NPY2R: variants seen among roughly 807,000 people sequenced by gnomAD.
The protein encoded by NPY2R is neuropeptide Y receptor Y2.
Under a neutral mutation model 22.3 loss-of-function variants are expected in NPY2R, and 17 were observed. The ratio of observed to expected loss-of-function variants is 0.76; its 90% CI spans 0.52 to 1.14. The LOEUF (loss-of-function observed/expected upper bound fraction) is 1.14. Ranked by LOEUF, NPY2R falls within the 50% of genes most tolerant of loss-of-function variation. The pLI, the probability that NPY2R is intolerant of heterozygous loss-of-function variation, is 0.00. For synonymous variants in NPY2R, 209 were observed against 183.4 expected (o/e 1.14, Z -1.13); for missense variants, 424 against 467.9 (o/e 0.91, Z 0.87).
At chr4:155,182,733 A>G in the NPY2R span, among the ~76,000 whole-genome samples, 71,241 of 151,926 alleles carry the variant, frequency 0.47, 17,434 homozygotes, top group East Asian at 0.69. Flanking sequence ...CCATCTGAAC[A>G]TGGGGCACAG....
chr4:155,198,877 A>G, the NPY2R span, among the ~76,000 whole-genome samples: 1 of 152,026 alleles, frequency 6.6e-6, no homozygotes. Context: ...CTCCTGGGCT[A>G]TACTACCCAG....
At chr4:155,185,763 CAT>C in the NPY2R span, among the ~76,000 whole-genome samples, 1,636 of 120,052 alleles carry the variant, frequency 0.014, 36 homozygotes, top group African/African-American at 0.052. Context: ...AAGAGAGAAT[CAT>C]GTGTGCCTGG....
In NPY2R at chr4:155,214,464, C is replaced by T. The variant is rs776415370; in HGVS notation, c.525C>T (p.Ile175=). ...SFLIIGLAWG[I]SALLASPLAI... The stretch of plus-strand genomic sequence containing the variant: ...TGATTATTGGCTTGGCCTGGGGCAT[C>T]AGTGCCCTGCTGGCAAGTCCCCTGG... The change falls in exon 2 of 2, where the codon ATC becomes ATT. Residue 175 remains isoleucine, a synonymous_variant. Transcript: ENST00000329476. 1 of 1,613,958 alleles carries T rather than the reference C, an allele frequency of 6.2e-7. No homozygotes were observed. Among genetic ancestry groups the T allele is most frequent in the Non-Finnish European group, 8.5e-7 (1 of 1,180,024 alleles).
rs17032643 is a variant in NPY2R, at chr4:155,211,219, C to T, written c.-49+2150C>T. Among the ~76,000 whole-genome samples, 1,281 of 152,182 alleles carry T rather than the reference C, an allele frequency of 8.4e-3. 23 individuals carry two copies. The highest frequency in any genetic ancestry group is 0.039 in the East Asian group (199 of 5,166). Reference sequence around the variant, plus strand: ...GCTATATAGTGTGCTAGGGATTAAACAATGGAGGAAGAAGGTCTAGGTTCT... The same window carrying T: ...GCTATATAGTGTGCTAGGGATTAAATAATGGAGGAAGAAGGTCTAGGTTCT... On this transcript the variant is annotated intron_variant, in intron 1 of 1. Coordinates refer to ENST00000329476, the MANE Select transcript of NPY2R (RefSeq NM_000910.4).
the NPY2R span, among the ~76,000 whole-genome samples, chr4:155,200,131 G>A: frequency 2.6e-5 from 4 of 151,858 alleles, no homozygotes; most frequent in South Asian, 2.1e-4. Flanking sequence ...AAAAATCTAC[G>A]AAGAACTTAA....
chr4:155,181,902 G>A, the NPY2R span, among the ~76,000 whole-genome samples: 5 of 152,158 alleles, frequency 3.3e-5, no homozygotes, highest in Admixed American at 2.6e-4. Flanking sequence ...GAGGAAGGAT[G>A]AACATGAACA....
chr4:155,213,782 CA>C lies in NPY2R; in HGVS notation c.-48-106del, dbSNP rs1482884265. 28 of 669,276 alleles carry C rather than the reference CA, an allele frequency of 4.2e-5. No individual in the cohort carries two copies. The African/African-American group carries it at 4.9e-4, about 12-fold the overall frequency. 41.5% of individuals were successfully genotyped at this position (669,276 alleles called of 1,614,324 possible). A position where few individuals can be genotyped will look rare whatever the true frequency, so the allele number is the denominator to read the frequency against. The stretch of plus-strand genomic sequence containing the variant: ...AGTAGAGGATATTTTGATCCCTAAC[CA>C]AAATTAAACCAGTCCATTTGTGAAA... On this transcript the variant is annotated intron_variant, in intron 1 of 1. Coordinates refer to ENST00000329476, the MANE Select transcript of NPY2R (RefSeq NM_000910.4).
chr4:155,196,889 G>A, the NPY2R span, among the ~76,000 whole-genome samples: 1 of 152,028 alleles, frequency 6.6e-6, no homozygotes, highest in South Asian at 2.1e-4. Flanking sequence ...GGAAAGAATT[G>A]TGTGGATGGG....
At chr4:155,181,932 T>G in the NPY2R span, among the ~76,000 whole-genome samples, 1 of 152,116 alleles carries the variant, frequency 6.6e-6, no homozygotes, top group African/African-American at 2.4e-5. Context: ...TAAAATGGGC[T>G]CTCTGAATTC....
the NPY2R span, among the ~76,000 whole-genome samples, chr4:155,174,477 T>TATATATATATATATATATATATATA: frequency 2.2e-5 from 2 of 89,354 alleles, no homozygotes; most frequent in Admixed American, 1.3e-4. Flanking sequence ...TATATATATA[T>TATATATATATATATATATATATATA]ATATATATTT....
the NPY2R span, among the ~76,000 whole-genome samples, chr4:155,183,103 A>G: frequency 2.0e-5 from 3 of 152,082 alleles, no homozygotes; most frequent in Non-Finnish European, 2.9e-5. Context: ...GAGCTGTTCT[A>G]GTTTTATTAA....
chr4:155,195,021 C>T, the NPY2R span, among the ~76,000 whole-genome samples: 2 of 151,836 alleles, frequency 1.3e-5, no homozygotes, highest in Non-Finnish European at 2.9e-5. Flanking sequence ...GCTTTTTGGT[C>T]ATGTGTATGT....
At chr4:155,186,898 C>A in the NPY2R span, among the ~76,000 whole-genome samples, 1 of 152,098 alleles carries the variant, frequency 6.6e-6, no homozygotes, top group African/African-American at 2.4e-5. Flanking sequence ...TATTTCTTGG[C>A]TATCAGTTAA....
chr4:155,209,542 T>C (rs1729358497), intron 1 of NPY2R, among the ~76,000 whole-genome samples: 1 of 152,064 alleles, frequency 6.6e-6, no homozygotes, highest in South Asian at 2.1e-4. Context: ...TAGGTACACA[T>C]CATTTAAAAT....
chr4:155,195,627 G>GCATATAATATAATGTA, the NPY2R span, among the ~76,000 whole-genome samples: 1 of 151,428 alleles, frequency 6.6e-6, no homozygotes, highest in Non-Finnish European at 1.5e-5. Context: ...CATCTTAGTG[G>GCATATAATATAATGTA]CATATAATAT....
At chr4:155,212,869 C>T (rs1305987728) in intron 1 of NPY2R, among the ~76,000 whole-genome samples, 1 of 152,174 alleles carries the variant, frequency 6.6e-6, no homozygotes, top group African/African-American at 2.4e-5. Flanking sequence ...AAAAAAGCAA[C>T]TGTTCCAACC....
chr4:155,182,116 T>C, the NPY2R span, among the ~76,000 whole-genome samples: 102,430 of 151,840 alleles, frequency 0.67, 35,860 homozygotes, highest in East Asian at 0.93. Context: ...TCCTCAAGAC[T>C]AAAAGAGTTA....
the NPY2R span, among the ~76,000 whole-genome samples, chr4:155,174,485 T>TATATATATATATATATATATA: frequency 5.0e-3 from 208 of 41,528 alleles, no homozygotes; most frequent in East Asian, 0.022. Context: ...TATATATATA[T>TATATATATATATATATATATA]TTTTTTTTTT....
the NPY2R span, among the ~76,000 whole-genome samples, chr4:155,187,320 A>T: frequency 3.9e-5 from 6 of 152,214 alleles, no homozygotes; most frequent in Non-Finnish European, 8.8e-5. Flanking sequence ...CTACTATTTA[A>T]CATGCAACAG....
Sources: allele counts gnomAD v4.1 joint callset (sites outside exome capture counted in the v4.1 genomes callset), GRCh38; gene constraint gnomAD v4.1.1; transcripts MANE v1.5; gene names NCBI Gene and HGNC (gene_info 2026-07-23, HGNC 2026-07-21).